CADM2: variants seen among roughly 807,000 people sequenced by gnomAD.
CADM2 encodes the protein cell adhesion molecule 2, also known as immunoglobulin superfamily member 4D.
CADM2 carries 12 observed loss-of-function variants against 49.8 expected under a neutral mutation model. The ratio of observed to expected loss-of-function variants is 0.24; its 90% CI spans 0.15 to 0.39. The LOEUF (loss-of-function observed/expected upper bound fraction) is 0.39. CADM2 is among the 10% of genes least tolerant of loss of function. CADM2 has a pLI of 1.00. For missense variants in CADM2, 378 were observed against 492.3 expected, an observed-to-expected ratio of 0.77 and a Z score of 2.20; for synonymous variants, 214 against 175.4, an observed-to-expected ratio of 1.22 and a Z score of -1.74.
At chr3:85,012,301 C>A (rs2034036615) in intron 1 of CADM2, among the ~76,000 whole-genome samples, 1 of 149,118 alleles carries the variant, frequency 6.7e-6, no homozygotes, top group Non-Finnish European at 1.5e-5. Flanking sequence ...TCCTATATTC[C>A]AACTTTTTGC....
At chr3:86,042,271 A>C (rs1010242608) in intron 8 of CADM2, among the ~76,000 whole-genome samples, 12 of 152,184 alleles carry the variant, frequency 7.9e-5, no homozygotes, top group Admixed American at 6.5e-4. Flanking sequence ...AACCCTTCAA[A>C]AAATCAATGA....
chr3:85,442,347 T>C (rs887886938), intron 1 of CADM2, among the ~76,000 whole-genome samples: 1 of 151,902 alleles, frequency 6.6e-6, no homozygotes, highest in African/African-American at 2.4e-5. Context: ...CACAAATGTA[T>C]ACTTCTGTAT....
chr3:85,051,882 A>G (rs1049622639), intron 1 of CADM2, among the ~76,000 whole-genome samples: 1 of 152,042 alleles, frequency 6.6e-6, no homozygotes, highest in Admixed American at 6.6e-5. Flanking sequence ...TAGGATGCAA[A>G]CTCCCCACTG....
intron 1 of CADM2, among the ~76,000 whole-genome samples, chr3:85,314,477 A>C (rs1391947435): frequency 1.3e-5 from 2 of 152,048 alleles, no homozygotes; most frequent in Non-Finnish European, 2.9e-5. Context: ...TTAAAAAAAA[A>C]CCTTCATAAT....
At chr3:85,360,149 C>T (rs10154865) in intron 1 of CADM2, among the ~76,000 whole-genome samples, 25,183 of 151,804 alleles carry the variant, frequency 0.17, 2,619 homozygotes, top group Non-Finnish European at 0.23. Context: ...GACTTCAATA[C>T]ATAAGCAGAT....
At chr3:85,166,546 T>G (rs1343977536) in intron 1 of CADM2, among the ~76,000 whole-genome samples, 1 of 151,846 alleles carries the variant, frequency 6.6e-6, no homozygotes, top group Non-Finnish European at 1.5e-5. Context: ...AAGTATAATA[T>G]AGCTAAGGAA....
intron 1 of CADM2, among the ~76,000 whole-genome samples, chr3:85,597,419 T>C (rs1186868968): frequency 6.6e-6 from 1 of 152,130 alleles, no homozygotes; most frequent in Non-Finnish European, 1.5e-5. Context: ...GAATGTAATG[T>C]GCATATTTAT....
chr3:85,941,444 G>T (rs892666442), intron 7 of CADM2, among the ~76,000 whole-genome samples: 1 of 151,946 alleles, frequency 6.6e-6, no homozygotes, highest in Non-Finnish European at 1.5e-5. Flanking sequence ...CGAAGTCATG[G>T]CAAAACTGAT....
rs559966436 is a variant in CADM2, at chr3:85,284,132, G to T, written c.61+324464G>T. On this transcript the variant is annotated intron_variant, in intron 1 of 9. Coordinates refer to ENST00000383699, the MANE Select transcript of CADM2 (RefSeq NM_001167675.2). ...AAACTCTACGGAATGAAATGTGTAA[G>T]TAAAAATTAACAAAATGTTCCAAAT... 4.6e-5 allele frequency among the ~76,000 whole-genome samples: 7 copies of T among 152,226 alleles called. No homozygotes were observed. The South Asian group carries it at 1.4e-3, about 32-fold the overall frequency.
intron 1 of CADM2, among the ~76,000 whole-genome samples, chr3:85,634,471 T>C (rs2064401294): frequency 6.6e-6 from 1 of 152,052 alleles, no homozygotes; most frequent in African/African-American, 2.4e-5. Context: ...TAATTGCTGG[T>C]TCTAATTTAT....
chr3:85,722,840 T>C (rs1460118349), intron 1 of CADM2, among the ~76,000 whole-genome samples: 1 of 152,152 alleles, frequency 6.6e-6, no homozygotes, highest in Non-Finnish European at 1.5e-5. Context: ...TTTCAAGAAA[T>C]GCATTTTAAG....
chr3:85,846,623 A>T (rs535174220), intron 3 of CADM2, among the ~76,000 whole-genome samples: 1 of 152,148 alleles, frequency 6.6e-6, no homozygotes, highest in African/African-American at 2.4e-5. Context: ...TCCCCACACT[A>T]TGAGAGGCTG....
At chr3:85,140,399 T>G (rs984187417) in intron 1 of CADM2, among the ~76,000 whole-genome samples, 1 of 152,142 alleles carries the variant, frequency 6.6e-6, no homozygotes, top group Non-Finnish European at 1.5e-5. Context: ...GTAAGAACAT[T>G]ATAAGGAAAG....
intron 1 of CADM2, among the ~76,000 whole-genome samples, chr3:85,491,088 C>T (rs1322273303): frequency 6.6e-6 from 1 of 152,140 alleles, no homozygotes; most frequent in Middle Eastern, 3.2e-3. Flanking sequence ...TAAAGGTCCC[C>T]AAATCAGGTA....
At chr3:85,888,985 A>G (rs1468359576) in intron 5 of CADM2, among the ~76,000 whole-genome samples, 1 of 152,162 alleles carries the variant, frequency 6.6e-6, no homozygotes, top group Non-Finnish European at 1.5e-5. Flanking sequence ...TAAGGCAAAC[A>G]GAAAAGACAG....
At chr3:85,024,855 C>T (rs1038376917) in intron 1 of CADM2, among the ~76,000 whole-genome samples, 1 of 151,898 alleles carries the variant, frequency 6.6e-6, no homozygotes, top group African/African-American at 2.4e-5. Context: ...ACAATAGTCT[C>T]ATTCAAAGAA....
At chr3:84,973,963 C>A (rs1235203546) in intron 1 of CADM2, among the ~76,000 whole-genome samples, 1 of 151,858 alleles carries the variant, frequency 6.6e-6, no homozygotes, top group Non-Finnish European at 1.5e-5. Flanking sequence ...CATGGGGATA[C>A]CATTTAAGAA....
chr3:85,498,212 G>C (rs2039983422), intron 1 of CADM2, among the ~76,000 whole-genome samples: 1 of 147,476 alleles, frequency 6.8e-6, no homozygotes, highest in Non-Finnish European at 1.5e-5. Flanking sequence ...TTTTTTGTAG[G>C]TTATTTCACT....
intron 1 of CADM2, among the ~76,000 whole-genome samples, chr3:85,679,093 T>A (rs1432239683): frequency 2.6e-5 from 4 of 151,676 alleles, no homozygotes; most frequent in Non-Finnish European, 4.4e-5. Flanking sequence ...AGATATAAAA[T>A]CAATAACCAC....
Sources: allele counts gnomAD v4.1 joint callset (sites outside exome capture counted in the v4.1 genomes callset), GRCh38; gene constraint gnomAD v4.1.1; transcripts MANE v1.5; gene names NCBI Gene and HGNC (gene_info 2026-07-23, HGNC 2026-07-21).